Variants in OR9A4 observed in about 807,000 individuals in gnomAD.
The protein encoded by OR9A4 is olfactory receptor 9A4.
In OR9A4, 16 loss-of-function variants were observed where a neutral mutation model predicts 17.1. That is an observed-to-expected ratio of 0.94 (90% CI 0.64 to 1.43). The LOEUF is 1.43. Among genes scored for constraint, OR9A4 ranks in the 40% most tolerant of loss-of-function variants. OR9A4 has a pLI of 0.00. For missense variants in OR9A4, 392 were observed against 382.1 expected (o/e 1.03, Z -0.22); for synonymous variants, 167 against 143.3 (o/e 1.17, Z -1.18).
rs1802264171 is a variant in OR9A4 at position 141,920,554 on chromosome 7, G to A, written c.*734G>A. ...AAGATGCTGAAATGGAGTGTGCAGA[G>A]GAGAAAGCAATGGCAGTCAGAGTGG... On this transcript the variant is annotated 3_prime_UTR_variant, in exon 2 of 2. Coordinates refer to ENST00000641559, the MANE Select transcript of OR9A4 (RefSeq NM_001001656.3). The A allele has an allele frequency of 6.6e-6, 1 of 151,210 alleles. No individual in the cohort carries two copies. The highest frequency in any genetic ancestry group is 1.5e-5 in the Non-Finnish European group (1 of 67,862). 9.4% of individuals were successfully genotyped at this position (151,210 alleles called of 1,614,324 possible). A position where few individuals can be genotyped will look rare whatever the true frequency, so the allele number is the denominator to read the frequency against.
rs1802254573 is a variant in OR9A4 at position 141,919,931 on chromosome 7, G to T, written c.*111G>T. 1 of 839,864 alleles carries T rather than the reference G, an allele frequency of 1.2e-6. No individual in the cohort carries two copies. Among genetic ancestry groups the T allele is most frequent in the African/African-American group, 1.7e-5 (1 of 59,422 alleles). The allele number at this position is 839,864 out of a possible 1,614,324, so 52.0% of individuals were successfully genotyped here. Reference sequence around the variant, plus strand: ...ATCATAATTATTGCCATTATCAAATGATTTGCATGCAACAAAATACTTTTA... The same window carrying T: ...ATCATAATTATTGCCATTATCAAATTATTTGCATGCAACAAAATACTTTTA... On this transcript the variant is annotated 3_prime_UTR_variant, in exon 2 of 2. Transcript: ENST00000641559.
intron 1 of OR9A4, among the ~76,000 whole-genome samples, 157 bp downstream of exon 1, chr7:141,916,793 G>T (rs1554438807): frequency 6.6e-6 from 1 of 152,158 alleles, no homozygotes; most frequent in African/African-American, 2.4e-5. Flanking sequence ...CTACAGCAAA[G>T]CCTGTCTCCA....
intron 1 of OR9A4, among the ~76,000 whole-genome samples, chr7:141,917,547 T>C (rs1802205636): frequency 6.6e-6 from 1 of 152,180 alleles, no homozygotes; most frequent in Non-Finnish European, 1.5e-5. Flanking sequence ...GCAAGTTGGA[T>C]GCAGGCACAG....
At position 141,919,905 on chromosome 7, in the gene OR9A4, C is replaced by A. The variant is rs1802254471; in HGVS notation, c.*85C>A. 2 of 1,042,772 alleles carry A rather than the reference C, an allele frequency of 1.9e-6. No individual in the cohort carries two copies. Among genetic ancestry groups the A allele is most frequent in the Non-Finnish European group, 2.8e-6 (2 of 718,828 alleles). The allele number at this position is 1,042,772 out of a possible 1,614,324, so 64.6% of individuals were successfully genotyped here. On this transcript the variant is annotated 3_prime_UTR_variant, in exon 2 of 2. Transcript: ENST00000641559. ...AAAGAACTTGCTCATCTTTGAACTG[C>A]ATCATAATTATTGCCATTATCAAAT...
Position 141,920,143 on chromosome 7 carries a change from T to A in OR9A4, c.*323T>A, listed in dbSNP as rs1478290261. 5.0e-6 allele frequency: 1 copy of A among 201,340 alleles called. No individual in the cohort carries two copies. The highest frequency in any genetic ancestry group is 1.3e-4 in the South Asian group (1 of 7,922). The allele number at this position is 201,340 out of a possible 1,614,324, so 12.5% of individuals were successfully genotyped here. A position where few individuals can be genotyped will look rare whatever the true frequency, so the allele number is the denominator to read the frequency against. On this transcript the variant is annotated 3_prime_UTR_variant, in exon 2 of 2. Transcript: ENST00000641559. The stretch of plus-strand genomic sequence containing the variant: ...TATCTATATAGTCTAGAAAATAGAC[T>A]AGTGGTTGCTTAGGGCTGAGGGGAA...
rs1444259806 is a variant in OR9A4 at position 141,919,210 on chromosome 7, T to A, written c.335T>A (p.Phe112Tyr). Reference protein sequence around the residue: ...FLYLAVGTTEFALLGAMAVDR... With the variant: ...FLYLAVGTTEYALLGAMAVDR... ...TACCTTGCTGTGGGGACAACAGAGT[T>A]CGCATTACTTGGAGCAATGGCTGTG... The change falls in exon 2 of 2, where the codon TTC (phenylalanine) becomes TAC (tyrosine). Residue 112 changes from phenylalanine to tyrosine, a missense_variant. By Grantham distance (22) the Phe-to-Tyr change is conservative. Transcript: ENST00000641559. 1.9e-6 allele frequency: 3 copies of A among 1,614,024 alleles called. No homozygotes were observed. Among genetic ancestry groups the A allele is most frequent in the Non-Finnish European group, 2.5e-6 (3 of 1,180,044 alleles).
intron 1 of OR9A4, 157 bp from the exon 2 acceptor site, chr7:141,918,689 G>GAT: frequency 1.8e-6 from 1 of 552,498 alleles, no homozygotes; most frequent in Non-Finnish European, 3.2e-6. Flanking sequence ...ATCTTCAAAA[G>GAT]ATATATATTC....
intron 1 of OR9A4, among the ~76,000 whole-genome samples, chr7:141,918,145 T>C (rs1197421063): frequency 1.3e-5 from 2 of 152,200 alleles, no homozygotes; most frequent in African/African-American, 2.4e-5. Flanking sequence ...ATTTATTTAT[T>C]TTTTGAGACG....
intron 1 of OR9A4, among the ~76,000 whole-genome samples, chr7:141,917,439 C>CT (rs1166799543): frequency 2.0e-5 from 3 of 152,116 alleles, no homozygotes; most frequent in Admixed American, 6.5e-5. Context: ...TCTTCTGACA[C>CT]TTTTTGTTGC....
chr7:141,917,726 C>T (rs1250534778), intron 1 of OR9A4, among the ~76,000 whole-genome samples: 1 of 152,178 alleles, frequency 6.6e-6, no homozygotes, highest in Non-Finnish European at 1.5e-5. Flanking sequence ...CACTCCTGGA[C>T]TTCTCCTCCT....
At chr7:141,916,837 A>G (rs1333212692) in intron 1 of OR9A4, among the ~76,000 whole-genome samples, 3 of 152,168 alleles carry the variant, frequency 2.0e-5, no homozygotes, top group Non-Finnish European at 2.9e-5. Context: ...TCTCTGCCCT[A>G]TGCTGGCGAG....
chr7:141,919,515 A>T lies in OR9A4; in HGVS notation c.640A>T (p.Thr214Ser), dbSNP rs782593371. 1 of 1,614,064 alleles carries T rather than the reference A, an allele frequency of 6.2e-7. No individual in the cohort carries two copies. The highest frequency in any genetic ancestry group is 1.3e-5 in the African/African-American group (1 of 74,990). The change falls in exon 2 of 2, where the codon ACA becomes TCA. Residue 214 changes from threonine to serine, a missense_variant. Coordinates refer to ENST00000641559, the MANE Select transcript of OR9A4 (RefSeq NM_001001656.3). ...TGTTCTCTTTGGTTCTTTGATCCCT[A>T]CAATTGTCTCCAACGCCTACATCAT... ...VFVLFGSLIP[T>S]IVSNAYIIST...
At position 141,919,825 on chromosome 7, in the gene OR9A4, G is replaced by C. The variant is rs1554439185; in HGVS notation, c.*5G>C. 6.3e-7 allele frequency: 1 copy of C among 1,593,710 alleles called. No individual in the cohort carries two copies. The highest frequency in any genetic ancestry group is 8.6e-7 in the Non-Finnish European group (1 of 1,167,884). On this transcript the variant is annotated 3_prime_UTR_variant, in exon 2 of 2. Coordinates refer to ENST00000641559, the MANE Select transcript of OR9A4 (RefSeq NM_001001656.3). Reference sequence around the variant, plus strand: ...TGTCAACTATTCAGGAATTAGCCTTGCTCTGAGGACTTTTACATGGTAAAG... The same window carrying C: ...TGTCAACTATTCAGGAATTAGCCTTCCTCTGAGGACTTTTACATGGTAAAG...
Position 141,919,487 on chromosome 7 carries a change from T to A in OR9A4, c.612T>A (p.Val204=). The stretch of plus-strand genomic sequence containing the variant: ...AGTTTATCCTCTTCTTAATGGCTGT[T>A]TTTGTTCTCTTTGGTTCTTTGATCC... ...FTEFILFLMA[V]FVLFGSLIPT... The change falls in exon 2 of 2, where the codon GTT becomes GTA. Residue 204 remains valine (V), a synonymous_variant. Transcript: ENST00000641559. 1.9e-6 allele frequency: 3 copies of A among 1,614,186 alleles called. No individual in the cohort carries two copies. Among genetic ancestry groups the A allele is most frequent in the Non-Finnish European group, 2.5e-6 (3 of 1,180,034 alleles).
At chr7:141,917,476 T>TCA (rs1802203975) in intron 1 of OR9A4, among the ~76,000 whole-genome samples, 1 of 152,196 alleles carries the variant, frequency 6.6e-6, no homozygotes, top group Non-Finnish European at 1.5e-5. Context: ...AAACAGGTGG[T>TCA]CACGGAGGAG....
chr7:141,919,230 G>C lies in OR9A4; in HGVS notation c.355G>C (p.Ala119Pro). The C allele has an allele frequency of 6.2e-7, 1 of 1,614,102 alleles. No homozygotes were observed. The highest frequency in any genetic ancestry group is 2.2e-5 in the East Asian group (1 of 44,868). Residue 119 changes from alanine to proline, a missense_variant, in exon 2 of 2, where the codon GCT (alanine) becomes CCT (proline). By Grantham distance (27) the Ala-to-Pro change is conservative. Transcript: ENST00000641559. ...AGAGTTCGCATTACTTGGAGCAATGGCTGTGGACCGTTATGTGGCTGTCTG... is the reference window on the plus strand; with the variant it reads ...AGAGTTCGCATTACTTGGAGCAATGCCTGTGGACCGTTATGTGGCTGTCTG... ...TTEFALLGAM[A>P]VDRYVAVCNP...
chr7:141,918,044 T>C (rs1802214100), intron 1 of OR9A4, among the ~76,000 whole-genome samples: 1 of 152,190 alleles, frequency 6.6e-6, no homozygotes, highest in Non-Finnish European at 1.5e-5. Flanking sequence ...GTGAAAACTT[T>C]TAAATGAACA....
In OR9A4 at chr7:141,920,094, A is replaced by G. The variant is rs1554439209; in HGVS notation, c.*274A>G. ...ATGATGATTTCACAATTAAACTTTG[A>G]AAAATTAAATGTCAGAGATAGACTA... On this transcript the variant is annotated 3_prime_UTR_variant, in exon 2 of 2. Transcript: ENST00000641559. 3.0e-6 allele frequency: 1 copy of G among 335,932 alleles called. No homozygotes were observed. The highest frequency in any genetic ancestry group is 5.4e-6 in the Non-Finnish European group (1 of 183,574). The allele number at this position is 335,932 out of a possible 1,614,324, so 20.8% of individuals were successfully genotyped here.
Position 141,920,080 on chromosome 7 carries a change from A to G in OR9A4, c.*260A>G, listed in dbSNP as rs1802257624. 5 of 368,940 alleles carry G rather than the reference A, an allele frequency of 1.4e-5. No homozygotes were observed. In the South Asian group the frequency reaches 2.8e-4, roughly 21 times the overall value. The allele number at this position is 368,940 out of a possible 1,614,324, so 22.9% of individuals were successfully genotyped here. The stretch of plus-strand genomic sequence containing the variant: ...GCCTTTCTTAAGATATGATGATTTC[A>G]CAATTAAACTTTGAAAAATTAAATG... On this transcript the variant is annotated 3_prime_UTR_variant, in exon 2 of 2. Transcript: ENST00000641559.
Sources: allele counts gnomAD v4.1 joint callset (sites outside exome capture counted in the v4.1 genomes callset), GRCh38; gene constraint gnomAD v4.1.1; transcripts MANE v1.5; gene names NCBI Gene and HGNC (gene_info 2026-07-23, HGNC 2026-07-21).